Variants in INSR observed in about 807,000 individuals in gnomAD.
The protein encoded by INSR is IR.
A neutral mutation model predicts 142.6 loss-of-function variants in INSR; 67 were observed. That is an observed-to-expected ratio of 0.47 (90% confidence interval 0.39 to 0.58). The LOEUF is 0.58. Among genes scored for constraint, INSR ranks in the 20% least tolerant of loss-of-function variants. INSR has a pLI of 0.00. For synonymous variants in INSR, 756 were observed against 743.1 expected (o/e 1.02, Z -0.28); for missense variants, 1,248 against 1,833.2 (o/e 0.68, Z 5.83).
Position 7,119,350 on chromosome 19 carries a change from G to C in INSR, c.3794+99C>G. 1 of 1,322,598 alleles carries C rather than the reference G, an allele frequency of 7.6e-7. No individual in the cohort carries two copies. The highest frequency in any genetic ancestry group is 1.1e-6 in the Non-Finnish European group (1 of 916,000). 81.9% of individuals were successfully genotyped at this position (1,322,598 alleles called of 1,614,324 possible). A position where few individuals can be genotyped will look rare whatever the true frequency, so the allele number is the denominator to read the frequency against. On this transcript the variant is annotated intron_variant, in intron 21 of 21. Coordinates refer to ENST00000302850, the MANE Select transcript of INSR (RefSeq NM_000208.4). The surrounding 1 kb of genome is among the most constrained non-coding windows in gnomAD (Gnocchi z 5.2). Reference sequence around the variant, plus strand: ...GTAACATACAGCATGCAAACACGGTGAGCGTGTAGACATAGGAAAGGCAAA... The same window carrying C: ...GTAACATACAGCATGCAAACACGGTCAGCGTGTAGACATAGGAAAGGCAAA...
chr19:7,232,189 A>G (rs990165430), intron 2 of INSR, among the ~76,000 whole-genome samples: 2 of 148,872 alleles, frequency 1.3e-5, no homozygotes, highest in African/African-American at 5.0e-5. Flanking sequence ...ATTGAACTCA[A>G]TGCTTCAGAT....
intron 11 of INSR, among the ~76,000 whole-genome samples, chr19:7,143,925 C>T (rs1013534380): frequency 2.6e-5 from 4 of 151,922 alleles, no homozygotes; most frequent in African/African-American, 9.7e-5. Context: ...CCTGATGGTG[C>T]ACAGCTTTAA....
intron 13 of INSR, 61 bp from the exon 14 acceptor site, chr19:7,132,378 C>A: frequency 1.9e-6 from 3 of 1,571,776 alleles, no homozygotes; most frequent in Non-Finnish European, 8.7e-7. Flanking sequence ...GGAGTGTCCA[C>A]CCCTCGCAGG....
intron 2 of INSR, among the ~76,000 whole-genome samples, chr19:7,266,491 T>C (rs1206063656): frequency 2.0e-5 from 3 of 151,832 alleles, no homozygotes. Context: ...GTTCAAGTGA[T>C]TCTCCTGCCT....
rs34198681 is a variant in INSR, at chr19:7,168,990, G to A, written c.1484-896C>T. The stretch of plus-strand genomic sequence containing the variant: ...CAGCTCACTGTTTAGAATCTGTCAG[G>A]GAAGTGCAGTCAGCAGGCAGCCTGC... On this transcript the variant is annotated intron_variant, in intron 6 of 21. Coordinates refer to ENST00000302850, the MANE Select transcript of INSR (RefSeq NM_000208.4). This position sits in a 1 kb window ranked among gnomAD's most constrained non-coding sequence, Gnocchi z 4.3. Among the ~76,000 whole-genome samples the A allele has an allele frequency of 0.21, 31,875 of 152,162 alleles. 3,676 individuals carry two copies. The highest frequency in any genetic ancestry group is 0.26 in the South Asian group (1,239 of 4,822).
rs71177185 is a variant in INSR at position 7,238,962 on chromosome 19, C to CAAAAAAAA, written c.652+28375_652+28382dup. On this transcript the variant is annotated intron_variant, in intron 2 of 21. Transcript: ENST00000302850. ...AAATGTCCATCAACAGATGAATTCT[C>CAAAAAAAA]AAAAAAAAAAAAAAAAAAAAAAAAG... is the stretch of plus-strand genomic sequence containing the variant. 1.4e-4 allele frequency among the ~76,000 whole-genome samples: 11 copies of CAAAAAAAA among 77,880 alleles called. No homozygotes were observed. In the East Asian group the frequency reaches 4.0e-3, roughly 28 times the overall value. The allele number at this position is 77,880 out of a possible 152,430, so 51.1% of individuals were successfully genotyped here.
At chr19:7,203,172 G>A (rs1975016024) in intron 2 of INSR, among the ~76,000 whole-genome samples, 1 of 151,966 alleles carries the variant, frequency 6.6e-6, no homozygotes, top group East Asian at 1.9e-4. Flanking sequence ...CCAGATCCAG[G>A]CTGTGTTGGA....
chr19:7,227,237 G>A (rs759144437), intron 2 of INSR, among the ~76,000 whole-genome samples: 26 of 151,844 alleles, frequency 1.7e-4, no homozygotes, highest in Non-Finnish European at 3.8e-4. Flanking sequence ...AGAACTGTGT[G>A]TCAAATACCA....
chr19:7,213,018 T>C (rs931238367), intron 2 of INSR, among the ~76,000 whole-genome samples: 9 of 152,202 alleles, frequency 5.9e-5, no homozygotes, highest in Admixed American at 5.2e-4. Flanking sequence ...CTGTTTAAAA[T>C]GTGAGGCTTA....
At chr19:7,155,768 G>T (rs1217280070) in intron 9 of INSR, among the ~76,000 whole-genome samples, 2 of 151,634 alleles carry the variant, frequency 1.3e-5, no homozygotes, top group African/African-American at 4.8e-5. Context: ...ACAAAAATTA[G>T]CCAGGCATGG....
intron 13 of INSR, among the ~76,000 whole-genome samples, chr19:7,139,316 T>G (rs998095010): frequency 6.6e-6 from 1 of 152,228 alleles, no homozygotes; most frequent in African/African-American, 2.4e-5. Context: ...AAGAACTGAC[T>G]GAAACAATAA....
intron 14 of INSR, among the ~76,000 whole-genome samples, chr19:7,131,635 C>T (rs1174830177): frequency 2.7e-5 from 4 of 149,224 alleles, no homozygotes; most frequent in East Asian, 2.0e-4. Flanking sequence ...TGTGAGCCAC[C>T]GTGCCCAGCC....
chr19:7,223,766 G>C (rs192297537), intron 2 of INSR, among the ~76,000 whole-genome samples: 5 of 152,124 alleles, frequency 3.3e-5, no homozygotes, highest in African/African-American at 1.2e-4. Flanking sequence ...AAAGATTGTT[G>C]TGAGGACCAT....
At chr19:7,185,493 C>T (rs11670960) in intron 2 of INSR, among the ~76,000 whole-genome samples, 21,424 of 152,112 alleles carry the variant, frequency 0.14, 1,855 homozygotes, top group South Asian at 0.22. Flanking sequence ...AAAGTGGCTG[C>T]AGATCCTGCC....
intron 2 of INSR, among the ~76,000 whole-genome samples, chr19:7,236,754 C>T (rs554866310): frequency 1.5e-4 from 23 of 152,266 alleles, no homozygotes; most frequent in African/African-American, 5.3e-4. Flanking sequence ...AGGCCCGGCA[C>T]GGTGGCTCAT....
intron 3 of INSR, among the ~76,000 whole-genome samples, chr19:7,176,717 C>T (rs1974142754): frequency 6.6e-6 from 1 of 152,184 alleles, no homozygotes; most frequent in South Asian, 2.1e-4. Flanking sequence ...CTGAGGTCTC[C>T]CCAGAAGCAG....
chr19:7,208,063 C>A (rs1036048019), intron 2 of INSR, among the ~76,000 whole-genome samples: 6 of 152,208 alleles, frequency 3.9e-5, no homozygotes, highest in South Asian at 2.1e-4. Flanking sequence ...TTGTACCCCC[C>A]AGAAAACCAC....
At chr19:7,196,948 T>G (rs966833775) in intron 2 of INSR, among the ~76,000 whole-genome samples, 1 of 152,214 alleles carries the variant, frequency 6.6e-6, no homozygotes, top group Non-Finnish European at 1.5e-5. Flanking sequence ...TTATTTTGTT[T>G]CCATTCAAGG....
In INSR at chr19:7,267,373, T is replaced by C. The variant is rs759705666; in HGVS notation, c.624A>G (p.Arg208=). The C allele has an allele frequency of 1.7e-5, 27 of 1,614,036 alleles. No homozygotes were observed. In the Admixed American group the frequency reaches 4.5e-4, roughly 27 times the overall value. The change falls in exon 2 of 22, where the codon CGA becomes CGG. Residue 208 remains arginine, a synonymous_variant. Transcript: ENST00000302850. The surrounding 1 kb of genome is among the most constrained non-coding windows in gnomAD (Gnocchi z 6.3). The part of the protein sequence containing the change: ...ATVINGQFVE[R]CWTHSHCQKV... ...TCTGGCAGTGACTATGAGTCCAACA[T>C]CGTTCGACAAACTGCCCGTTGATGA... is the stretch of plus-strand genomic sequence containing the variant.
Sources: allele counts gnomAD v4.1 joint callset (sites outside exome capture counted in the v4.1 genomes callset), GRCh38; gene constraint gnomAD v4.1.1; non-coding constraint Gnocchi (gnomAD v3.1); transcripts MANE v1.5; gene names NCBI Gene and HGNC (gene_info 2026-07-23, HGNC 2026-07-21).